Variants in KMT2A observed in about 807,000 individuals in gnomAD.
KMT2A encodes the protein lysine methyltransferase 2A.
KMT2A carries 16 observed loss-of-function variants against 345.3 expected under a neutral mutation model. That is an observed-to-expected ratio of 0.05 (90% confidence interval 0.03 to 0.07). The LOEUF is 0.07. Among genes scored for constraint, KMT2A ranks in the 10% least tolerant of loss-of-function variants. KMT2A has a pLI of 1.00. For synonymous variants in KMT2A, 1,599 were observed against 1,778.6 expected (o/e 0.90, Z 2.54); for missense variants, 3,272 against 4,841.6 (o/e 0.68, Z 9.62).
chr11:118,436,636 C>T lies in KMT2A; in HGVS notation c.124C>T (p.Pro42Ser). ...RQRVPALLLP[P>S]GPPVGGGGPG... The stretch of plus-strand genomic sequence containing the variant: ...ACGCGTCCCGGCCCTGCTGCTTCCC[C>T]CCGGGCCCCCGGTCGGCGGTGGCGG... The change falls in exon 1 of 36, where the codon CCC becomes TCC. Residue 42 changes from proline (P) to serine (S), a missense_variant. This residue lies in a region of KMT2A where 412 missense variants were observed against 511.0 expected (regional missense o/e 0.81). Transcript: ENST00000534358. This position sits in a 1 kb window ranked among gnomAD's most constrained non-coding sequence, Gnocchi z 6.9. 3 of 1,155,288 alleles carry T rather than the reference C, an allele frequency of 2.6e-6. No individual in the cohort carries two copies. Among genetic ancestry groups the T allele is most frequent in the South Asian group, 4.2e-5 (1 of 23,664 alleles). The allele number at this position is 1,155,288 out of a possible 1,614,324, so 71.6% of individuals were successfully genotyped here. A position where few individuals can be genotyped will look rare whatever the true frequency, so the allele number is the denominator to read the frequency against.
chr11:118,504,920 C>A lies in KMT2A; in HGVS notation c.9028C>A (p.Pro3010Thr). The A allele has an allele frequency of 6.2e-7, 1 of 1,614,184 alleles. No individual in the cohort carries two copies. Among genetic ancestry groups the A allele is most frequent in the Non-Finnish European group, 8.5e-7 (1 of 1,180,040 alleles). Reference sequence around the variant, plus strand: ...CATGGATGCAGACCACATCTCTAGCCCTCCTTGTGGTTCAGTAGAGCAAGG... The same window carrying A: ...CATGGATGCAGACCACATCTCTAGCACTCCTTGTGGTTCAGTAGAGCAAGG... Reference protein sequence around the residue: ...GHMDADHISSPPCGSVEQGHG... With the variant: ...GHMDADHISSTPCGSVEQGHG... The change falls in exon 27 of 36, where the codon CCT (proline) becomes ACT (threonine). Residue 3010 changes from proline (P) to threonine (T), a missense_variant. By Grantham distance (38) the Pro-to-Thr change is conservative. Coordinates refer to ENST00000534358, the MANE Select transcript of KMT2A (RefSeq NM_001197104.2). This position sits in a 1 kb window ranked among gnomAD's most constrained non-coding sequence, Gnocchi z 6.4.
intron 1 of KMT2A, among the ~76,000 whole-genome samples, chr11:118,457,721 T>A (rs1949673082): frequency 6.6e-6 from 1 of 151,368 alleles, no homozygotes; most frequent in Non-Finnish European, 1.5e-5. Context: ...ACTACACTCC[T>A]CCCCCACCCC....
Position 118,438,758 on chromosome 11 carries a change from C to CT in KMT2A, c.432+1822dup, listed in dbSNP as rs1372054793. Among the ~76,000 whole-genome samples the CT allele has an allele frequency of 5.3e-5, 8 of 151,870 alleles. No homozygotes were observed. The South Asian group carries it at 1.0e-3, about 20-fold the overall frequency. On this transcript the variant is annotated intron_variant, in intron 1 of 35. Coordinates refer to ENST00000534358, the MANE Select transcript of KMT2A (RefSeq NM_001197104.2). ...TTTTAGTTGTTAGTCTTCCTGCCTC[C>CT]TTTTTTTTAATCGTTTCTAAGGCAG... is the stretch of plus-strand genomic sequence containing the variant.
chr11:118,467,806 T>C (rs1471487992), intron 1 of KMT2A, among the ~76,000 whole-genome samples: 1 of 152,218 alleles, frequency 6.6e-6, no homozygotes, highest in African/African-American at 2.4e-5. Context: ...CCACTATAAA[T>C]TGGAGGTTCC....
intron 4 of KMT2A, 98 bp downstream of exon 4, chr11:118,477,080 C>T (rs1950050599): frequency 8.6e-7 from 1 of 1,157,654 alleles, no homozygotes; most frequent in African/African-American, 1.5e-5. Context: ...GTTAGTAGGT[C>T]CTCTGAAAAA....
intron 5 of KMT2A, among the ~76,000 whole-genome samples, chr11:118,479,293 C>T (rs1555038583): frequency 6.6e-6 from 1 of 151,976 alleles, no homozygotes; most frequent in African/African-American, 2.4e-5. Flanking sequence ...CTTTTTTAGT[C>T]AGTTTGTGGA....
Position 118,521,126 on chromosome 11 carries a change from G to A in KMT2A, c.11514-162G>A, listed in dbSNP as rs1440332229. 1.3e-6 allele frequency: 1 copy of A among 741,310 alleles called. No individual in the cohort carries two copies. The highest frequency in any genetic ancestry group is 2.7e-5 in the Admixed American group (1 of 37,676). 45.9% of individuals were successfully genotyped at this position (741,310 alleles called of 1,614,324 possible). A position where few individuals can be genotyped will look rare whatever the true frequency, so the allele number is the denominator to read the frequency against. ...AGAATGGAAATAACTTTCATCTTTG[G>A]CCATGTGTTAGATGGCCAAATCAAG... is the stretch of plus-strand genomic sequence containing the variant. On this transcript the variant is annotated intron_variant, in intron 34 of 35. Transcript: ENST00000534358. This position sits in a 1 kb window ranked among gnomAD's most constrained non-coding sequence, Gnocchi z 5.3.
chr11:118,516,598 A>G (rs2135266160), intron 31 of KMT2A, among the ~76,000 whole-genome samples: 1 of 152,346 alleles, frequency 6.6e-6, no homozygotes, highest in South Asian at 2.1e-4. Context: ...AGCTCTATGA[A>G]TACAGGTACC....
At chr11:118,459,430 G>T (rs1175122333) in intron 1 of KMT2A, among the ~76,000 whole-genome samples, 1 of 152,108 alleles carries the variant, frequency 6.6e-6, no homozygotes, top group Non-Finnish European at 1.5e-5. Flanking sequence ...CTGCTAAAGG[G>T]CATGTTTGAG....
At chr11:118,437,164 C>T (rs1255710180) in intron 1 of KMT2A, among the ~76,000 whole-genome samples, 1 of 151,314 alleles carries the variant, frequency 6.6e-6, no homozygotes, top group East Asian at 2.0e-4. Context: ...GGCGTTTGCC[C>T]CCCGCTCTCC....
rs1555035985 is a variant in KMT2A, at chr11:118,472,620, C to T, written c.1461C>T (p.Ser487=). ...CTAGTAGCCCCAGTGTTGATACCTC[C>T]ACAGACTCTCAGGCTTCTGAGGAGA... ...SRSSSPSVDT[S]TDSQASEEIQ... Residue 487 remains serine (S), a synonymous_variant, in exon 3 of 36, where the codon TCC becomes TCT. Transcript: ENST00000534358. 2 of 1,612,128 alleles carry T rather than the reference C, an allele frequency of 1.2e-6. No homozygotes were observed. The highest frequency in any genetic ancestry group is 3.4e-5 in the Admixed American group (2 of 59,580).
rs1181352596 is a variant in KMT2A at position 118,526,493 on chromosome 11, C to A, written c.*4321C>A. ...GCTCAACAGATGACAAGCTTCTTTT[C>A]TAGAAATAAGACATTTTTTGACAAC... On this transcript the variant is annotated 3_prime_UTR_variant, in exon 36 of 36. Coordinates refer to ENST00000534358, the MANE Select transcript of KMT2A (RefSeq NM_001197104.2). 3 of 228,864 alleles carry A rather than the reference C, an allele frequency of 1.3e-5. No individual in the cohort carries two copies. The highest frequency in any genetic ancestry group is 2.2e-5 in the African/African-American group (1 of 44,884). The allele number at this position is 228,864 out of a possible 1,614,324, so 14.2% of individuals were successfully genotyped here.
rs782636717 is a variant in KMT2A at position 118,506,525 on chromosome 11, C to T, written c.10633C>T (p.Arg3545Trp). ...GPTKPKPKTKRFQLPLDKGNG... is the reference protein window; with the variant it reads ...GPTKPKPKTKWFQLPLDKGNG... ...CACTAAACCCAAACCAAAAACCAAA[C>T]GGTTTCAGCTGCCTCTAGACAAAGG... The change falls in exon 27 of 36, where the codon CGG (arginine) becomes TGG (tryptophan). Residue 3545 changes from arginine to tryptophan, a missense_variant. Transcript: ENST00000534358. 3.1e-6 allele frequency: 5 copies of T among 1,614,206 alleles called. No homozygotes were observed. The highest frequency in any genetic ancestry group is 4.2e-6 in the Non-Finnish European group (5 of 1,180,046).
chr11:118,506,773 G>C, intron 27 of KMT2A, 127 bp downstream of exon 27: 1 of 1,003,870 alleles, frequency 1.0e-6, no homozygotes, highest in Non-Finnish European at 1.4e-6. Flanking sequence ...AGTTTTCCGG[G>C]TTTTGACTTT....
At chr11:118,506,781 T>A in intron 27 of KMT2A, 135 bp downstream of exon 27, 1 of 878,732 alleles carries the variant, frequency 1.1e-6, no homozygotes, top group Non-Finnish European at 1.7e-6. Flanking sequence ...GGGTTTTGAC[T>A]TTTTTTCTCT....
rs782638810 is a variant in KMT2A, at chr11:118,506,033, A to G, written c.10141A>G (p.Ile3381Val). 1.2e-6 allele frequency: 2 copies of G among 1,614,224 alleles called. No homozygotes were observed. The highest frequency in any genetic ancestry group is 1.1e-5 in the South Asian group (1 of 91,088). The change falls in exon 27 of 36, where the codon ATA (isoleucine) becomes GTA (valine). Residue 3381 changes from isoleucine to valine, a missense_variant. Coordinates refer to ENST00000534358, the MANE Select transcript of KMT2A (RefSeq NM_001197104.2). ...GCTTGGTACCCCAGATATTGGCTCA[A>G]TAAGCAATCTTTTAATCAAAGCTAG... Reference protein sequence around the residue: ...RLLGTPDIGSISNLLIKASQQ... With the variant: ...RLLGTPDIGSVSNLLIKASQQ...
At position 118,506,166 on chromosome 11, in the gene KMT2A, C is replaced by T. The variant is rs140200473; in HGVS notation, c.10274C>T (p.Ala3425Val). The T allele has an allele frequency of 2.5e-4, 411 of 1,614,016 alleles. 2 individuals are homozygous for T. Among genetic ancestry groups the T allele is most frequent in the Admixed American group, 2.7e-4 (16 of 60,006 alleles). The change falls in exon 27 of 36, where the codon GCG (alanine) becomes GTG (valine). Residue 3425 changes from alanine to valine, a missense_variant. Transcript: ENST00000534358. ...SQTPSTAAIT[A>V]ASSICVLPST... is the part of the protein sequence containing the mutation. ...ACCCCCTCTACTGCTGCAATAACAGCGGCATCTAGCATCTGTGTGCTCCCC... is the reference window on the plus strand; with the variant it reads ...ACCCCCTCTACTGCTGCAATAACAGTGGCATCTAGCATCTGTGTGCTCCCC...
intron 1 of KMT2A, among the ~76,000 whole-genome samples, chr11:118,467,129 C>G (rs1399112825): frequency 3.9e-5 from 6 of 152,092 alleles, no homozygotes; most frequent in Admixed American, 3.9e-4. Context: ...GTAATCCCAG[C>G]ACTTTGGGAG....
intron 27 of KMT2A, 78 bp downstream of exon 27, chr11:118,506,724 C>G (rs1555048635): frequency 7.2e-7 from 1 of 1,395,860 alleles, no homozygotes; most frequent in Non-Finnish European, 9.8e-7. Context: ...TGTGGTAGTC[C>G]GGGAGAGACA....
Sources: gnomAD v4.1 joint callset for allele counts (sites outside exome capture counted in the v4.1 genomes callset) on GRCh38, gnomAD v4.1.1 for gene constraint, gnomAD v4.1.1 regional missense constraint, Gnocchi (gnomAD v3.1) non-coding constraint, MANE v1.5 for transcripts, NCBI Gene and HGNC (gene_info 2026-07-23, HGNC 2026-07-21) for gene names.